Variants in BPTF observed in about 807,000 individuals in gnomAD.
The protein encoded by BPTF is bromodomain PHD finger transcription factor.
In BPTF, 18 loss-of-function variants were observed where a neutral mutation model predicts 292.5. That is an observed-to-expected ratio of 0.06 (90% CI 0.04 to 0.09). The LOEUF (loss-of-function observed/expected upper bound fraction) is 0.09, where lower values mean the gene tolerates loss of function less well. Among genes scored for constraint, BPTF ranks in the 10% least tolerant of loss-of-function variants. The pLI is 1.00. For synonymous variants in BPTF, 1,225 were observed against 1,251.9 expected (o/e 0.98, Z 0.45); for missense variants, 2,726 against 3,498.7 (o/e 0.78, Z 5.57).
chr17:67,927,645 G>A (rs893285193), intron 15 of BPTF, among the ~76,000 whole-genome samples: 5 of 152,070 alleles, frequency 3.3e-5, no homozygotes, highest in African/African-American at 9.7e-5. Flanking sequence ...GAATCTCACC[G>A]CTGAGCAGCA....
At chr17:67,885,912 C>T (rs565179422) in intron 4 of BPTF, among the ~76,000 whole-genome samples, 2 of 151,874 alleles carry the variant, frequency 1.3e-5, no homozygotes, top group Non-Finnish European at 2.9e-5. Context: ...GGTCCTCACC[C>T]CCCCAAAAAA....
chr17:67,867,129 A>G (rs557005117), intron 3 of BPTF, among the ~76,000 whole-genome samples: 18 of 152,334 alleles, frequency 1.2e-4, no homozygotes, highest in African/African-American at 4.1e-4. Context: ...TTAGTTCTCC[A>G]TATTTCATTT....
intron 19 of BPTF, among the ~76,000 whole-genome samples, chr17:67,943,052 C>G (rs1399161782): frequency 6.6e-6 from 1 of 151,952 alleles, no homozygotes. Flanking sequence ...AAGATACATA[C>G]CGAAGTAGTA....
In BPTF at chr17:67,909,589, T is replaced by G. The variant is rs1351278672; in HGVS notation, c.2820T>G (p.Asn940Lys). Residue 940 changes from asparagine to lysine, a missense_variant, in exon 10 of 28, where the codon AAT becomes AAG. Asn to Lys is a moderately conservative substitution (Grantham distance 94, BLOSUM62 0). This residue lies in a region of BPTF where 713 missense variants were observed against 714.9 expected (regional missense o/e 1.00). Transcript: ENST00000306378. ...TTACATGGTTCTTTTTAGCCAAAAA[T>G]AATATGGATGAAAATATGGATGAGT... Reference protein sequence around the residue: ...NYRKSLEGTKNNMDENMDESD... With the variant: ...NYRKSLEGTKKNMDENMDESD... The G allele has an allele frequency of 6.5e-7, 1 of 1,546,270 alleles. No individual in the cohort carries two copies. The highest frequency in any genetic ancestry group is 2.1e-5 in the Admixed American group (1 of 48,256).
chr17:67,967,259 A>G (rs2068219610), intron 26 of BPTF, among the ~76,000 whole-genome samples: 1 of 149,110 alleles, frequency 6.7e-6, no homozygotes, highest in Non-Finnish European at 1.5e-5. Context: ...CTCCTGCCTC[A>G]GCCTCCCGAG....
rs1438943163 is a variant in BPTF, at chr17:67,875,125, A to G, written c.1864+105A>G. 4.2e-6 allele frequency: 4 copies of G among 947,090 alleles called. No homozygotes were observed. In the African/African-American group the frequency reaches 6.7e-5, roughly 16 times the overall value. 58.7% of individuals were successfully genotyped at this position (947,090 alleles called of 1,614,324 possible). A position where few individuals can be genotyped will look rare whatever the true frequency, so the allele number is the denominator to read the frequency against. On this transcript the variant is annotated intron_variant, in intron 4 of 27. Transcript: ENST00000306378. Reference sequence around the variant, plus strand: ...GTGAAATATTGCAAGCAGCTACCTAATTTAATATTTCTAAAGAGATCAGGA... The same window carrying G: ...GTGAAATATTGCAAGCAGCTACCTAGTTTAATATTTCTAAAGAGATCAGGA...
intron 1 of BPTF, among the ~76,000 whole-genome samples, chr17:67,831,279 C>T (rs1258402346): frequency 6.6e-6 from 1 of 152,128 alleles, no homozygotes; most frequent in Non-Finnish European, 1.5e-5. Context: ...AGAATGGTAG[C>T]ACTTTCAGTA....
At chr17:67,914,151 C>T (rs1349328428) in intron 11 of BPTF, among the ~76,000 whole-genome samples, 1 of 152,128 alleles carries the variant, frequency 6.6e-6, no homozygotes, top group Admixed American at 6.5e-5. Flanking sequence ...AGTTACTGAG[C>T]CGTTTTCATT....
At chr17:67,856,921 A>G (rs8072537) in intron 2 of BPTF, among the ~76,000 whole-genome samples, 15,354 of 151,748 alleles carry the variant, frequency 0.1, 2,652 homozygotes, top group African/African-American at 0.35. Context: ...TGAAGGGGAG[A>G]ATGGTGGTTT....
intron 2 of BPTF, among the ~76,000 whole-genome samples, chr17:67,859,613 ACT>A (rs1191426363): frequency 6.6e-6 from 1 of 152,202 alleles, no homozygotes; most frequent in Non-Finnish European, 1.5e-5. Context: ...CTTATTTTAT[ACT>A]GTAGTCTAGT....
chr17:67,953,896 A>T (rs1395606253), intron 23 of BPTF, among the ~76,000 whole-genome samples: 11 of 145,254 alleles, frequency 7.6e-5, no homozygotes, highest in Non-Finnish European at 1.2e-4. Flanking sequence ...TTTCATTTGG[A>T]GTGAATTCAG....
intron 14 of BPTF, among the ~76,000 whole-genome samples, chr17:67,924,223 G>T (rs988530363): frequency 3.3e-5 from 5 of 152,156 alleles, no homozygotes; most frequent in Non-Finnish European, 5.9e-5. Context: ...CCAAAATGAT[G>T]GGATTACAGG....
rs368796044 is a variant in BPTF, at chr17:67,853,918, G to T, written c.614-22G>T. The T allele has an allele frequency of 4.3e-5, 67 of 1,569,628 alleles. 1 individual carries two copies. The highest frequency in any genetic ancestry group is 4.8e-5 in the Non-Finnish European group (55 of 1,148,250). On this transcript the variant is annotated intron_variant, in intron 1 of 27. Transcript: ENST00000306378. Reference sequence around the variant, plus strand: ...ATGATGTAATGTATTGATTTGTAATGATGTCACGTCTTTATCTACAGGTAG... The same window carrying T: ...ATGATGTAATGTATTGATTTGTAATTATGTCACGTCTTTATCTACAGGTAG...
At chr17:67,925,800 A>C (rs114758094) in intron 15 of BPTF, among the ~76,000 whole-genome samples, 2,638 of 149,092 alleles carry the variant, frequency 0.018, 56 homozygotes, top group African/African-American at 0.06. Context: ...TGTATCTTTC[A>C]GTTTACTATA....
chr17:67,857,141 T>G (rs2058737610), intron 2 of BPTF, among the ~76,000 whole-genome samples: 1 of 147,442 alleles, frequency 6.8e-6, no homozygotes, highest in African/African-American at 2.6e-5. Context: ...TGAGTTCGTC[T>G]TTAACAATTT....
intron 1 of BPTF, among the ~76,000 whole-genome samples, chr17:67,838,455 A>G (rs1261031249): frequency 6.6e-6 from 1 of 152,166 alleles, no homozygotes; most frequent in Non-Finnish European, 1.5e-5. Context: ...TTAGTTAACC[A>G]TCTTTGTGTA....
intron 26 of BPTF, chr17:67,974,809 T>A (rs1024067571): frequency 6.6e-6 from 1 of 152,308 alleles, no homozygotes; most frequent in Non-Finnish European, 1.5e-5. Flanking sequence ...TGCCTCCACA[T>A]GTTCAGCTGT....
At chr17:67,852,406 G>T (rs78452260) in intron 1 of BPTF, among the ~76,000 whole-genome samples, 28,410 of 152,026 alleles carry the variant, frequency 0.19, 3,674 homozygotes, top group East Asian at 0.66. Context: ...ACTATAAAAA[G>T]ATTCTTATAT....
intron 26 of BPTF, among the ~76,000 whole-genome samples, chr17:67,968,539 G>A (rs1555688848): frequency 6.6e-6 from 1 of 151,462 alleles, no homozygotes; most frequent in East Asian, 1.9e-4. Flanking sequence ...AGCACTTTGG[G>A]AGGCTGAGGT....
Sources: gnomAD v4.1 joint callset for allele counts (sites outside exome capture counted in the v4.1 genomes callset) on GRCh38, gnomAD v4.1.1 for gene constraint, gnomAD v4.1.1 regional missense constraint, MANE v1.5 for transcripts, NCBI Gene and HGNC (gene_info 2026-07-23, HGNC 2026-07-21) for gene names.